The following BCL7C variants were observed in gnomAD, a reference collection of about 807,000 sequenced individuals.
BCL7C encodes the protein B-cell CLL/lymphoma 7 protein family member C.
Under a neutral mutation model 26.2 loss-of-function variants are expected in BCL7C, and 8 were observed. The observed-to-expected ratio is 0.30, with a 90% CI of 0.18 to 0.55. The LOEUF is 0.55. BCL7C is among the 20% of genes least tolerant of loss of function. The pLI, the probability that BCL7C is intolerant of heterozygous loss-of-function variation, is 0.93. For synonymous variants in BCL7C, 90 were observed against 116.5 expected (o/e 0.77, Z 1.47); for missense variants, 262 against 298.5 (o/e 0.88, Z 0.90).
rs2054559278 is a variant in BCL7C at position 30,834,784 on chromosome 16, G to A, written c.*164C>T. On this transcript the variant is annotated 3_prime_UTR_variant, in exon 6 of 6. Coordinates refer to the BCL7C transcript ENST00000380317. The surrounding 1 kb of genome is among the most constrained non-coding windows in gnomAD (Gnocchi z 4.3). ...CGGGCGCCAGTGGCGAGCCAGATGGGTGCTGTGGCCTTAGGTTCGGGCAGG... is the reference window on the plus strand; with the variant it reads ...CGGGCGCCAGTGGCGAGCCAGATGGATGCTGTGGCCTTAGGTTCGGGCAGG... 1.5e-6 allele frequency: 1 copy of A among 650,160 alleles called. No homozygotes were observed. The highest frequency in any genetic ancestry group is 2.2e-5 in the South Asian group (1 of 45,800). The allele number at this position is 650,160 out of a possible 1,614,324, so 40.3% of individuals were successfully genotyped here. A position where few individuals can be genotyped will look rare whatever the true frequency, so the allele number is the denominator to read the frequency against.
At chr16:30,851,988 T>C (rs1328071292) in intron 5 of BCL7C, 1 of 161,304 alleles carries the variant, frequency 6.2e-6, no homozygotes, top group Non-Finnish European at 1.4e-5. Flanking sequence ...TTTTTCACCT[T>C]TCCAATTTGC....
intron 5 of BCL7C, among the ~76,000 whole-genome samples, chr16:30,855,209 C>T (rs1014523916): frequency 1.3e-5 from 2 of 152,026 alleles, no homozygotes; most frequent in African/African-American, 4.8e-5. Context: ...TTCTCCACAT[C>T]TGATATAGGC....
intron 5 of BCL7C, among the ~76,000 whole-genome samples, chr16:30,872,627 T>C (rs188129678): frequency 6.6e-6 from 1 of 152,254 alleles, no homozygotes; most frequent in African/African-American, 2.4e-5. Context: ...TTAGAAGAGG[T>C]ACCCAAAACA....
chr16:30,851,098 G>A (rs1047828767), intron 5 of BCL7C: 1 of 242,180 alleles, frequency 4.1e-6, no homozygotes, highest in South Asian at 5.2e-5. Flanking sequence ...TCGGGATTCA[G>A]CGAACTCTTG....
chr16:30,859,535 A>G (rs915064025), intron 5 of BCL7C, among the ~76,000 whole-genome samples: 2 of 152,212 alleles, frequency 1.3e-5, no homozygotes, highest in African/African-American at 4.8e-5. Context: ...GCAACTGAAG[A>G]TCCACAAAAG....
chr16:30,856,577 C>G (rs1401881107), intron 5 of BCL7C, among the ~76,000 whole-genome samples: 1 of 151,924 alleles, frequency 6.6e-6, no homozygotes, highest in Non-Finnish European at 1.5e-5. Context: ...CATCTGTATT[C>G]TACGTTGTGC....
intron 5 of BCL7C, among the ~76,000 whole-genome samples, chr16:30,864,014 C>T (rs56142883): frequency 0.019 from 2,955 of 152,242 alleles, 30 homozygotes; most frequent in Non-Finnish European, 0.031. Flanking sequence ...CTACCTCTCC[C>T]CAGCTATCTC....
intron 5 of BCL7C, among the ~76,000 whole-genome samples, chr16:30,854,707 CTTT>C (rs71149058): frequency 1.2e-3 from 175 of 145,260 alleles, no homozygotes; most frequent in Admixed American, 3.7e-3. Flanking sequence ...CACTCACTTT[CTTT>C]TTTTTTTTTT....
chr16:30,872,401 G>A (rs1247906318), intron 5 of BCL7C, among the ~76,000 whole-genome samples: 1 of 152,112 alleles, frequency 6.6e-6, no homozygotes, highest in Non-Finnish European at 1.5e-5. Flanking sequence ...GACCCCTGTG[G>A]GCTTGGAAAG....
intron 5 of BCL7C, among the ~76,000 whole-genome samples, chr16:30,859,253 A>G (rs1327840292): frequency 1.3e-5 from 2 of 152,200 alleles, no homozygotes; most frequent in Non-Finnish European, 2.9e-5. Context: ...TTCAGCTTAG[A>G]CGGTGGAGGA....
intron 5 of BCL7C, among the ~76,000 whole-genome samples, chr16:30,835,375 C>T (rs1406085098): frequency 6.6e-6 from 1 of 152,152 alleles, no homozygotes; most frequent in East Asian, 1.9e-4. Flanking sequence ...GGGTTTGAAT[C>T]CCAATTCCAG....
chr16:30,838,279 G>A (rs182812772), intron 5 of BCL7C, among the ~76,000 whole-genome samples: 5 of 152,316 alleles, frequency 3.3e-5, no homozygotes, highest in Non-Finnish European at 7.3e-5. Flanking sequence ...CTACCCAAAA[G>A]GAATGTGATG....
At chr16:30,870,580 CAGG>C (rs1451201724) in intron 5 of BCL7C, among the ~76,000 whole-genome samples, 2 of 151,928 alleles carry the variant, frequency 1.3e-5, no homozygotes, top group Non-Finnish European at 2.9e-5. Context: ...GAAGATCAAG[CAGG>C]AGGATCGCTT....
intron 5 of BCL7C, among the ~76,000 whole-genome samples, chr16:30,850,877 A>G (rs1411489863): frequency 6.6e-6 from 1 of 152,204 alleles, no homozygotes; most frequent in Non-Finnish European, 1.5e-5. Flanking sequence ...CACTAAATTT[A>G]CAAAAAAGAT....
In BCL7C at chr16:30,851,619, AC is replaced by A. The variant is rs1042127056; in HGVS notation, c.529-16472del. On this transcript the variant is annotated intron_variant, in intron 5 of 5. Transcript: ENST00000380317. ...TGGGCCCTTTCTGTTGAGCAGTGCC[AC>A]AGCAGGCCTTGCAGTTTTTGGTGCA... 23 of 517,926 alleles carry A rather than the reference AC, an allele frequency of 4.4e-5. No individual in the cohort carries two copies. The Admixed American group carries it at 5.8e-4, about 13-fold the overall frequency. 32.1% of individuals were successfully genotyped at this position (517,926 alleles called of 1,614,324 possible).
intron 5 of BCL7C, among the ~76,000 whole-genome samples, chr16:30,849,135 C>T (rs527967601): frequency 4.7e-5 from 7 of 150,302 alleles, no homozygotes; most frequent in African/African-American, 1.7e-4. Context: ...TTCAGTGAGC[C>T]GAGATTGAGC....
chr16:30,856,075 A>AAG (rs1025809054), intron 5 of BCL7C, among the ~76,000 whole-genome samples: 24 of 151,568 alleles, frequency 1.6e-4, no homozygotes, highest in African/African-American at 5.6e-4. Context: ...AAAAAAAAAA[A>AAG]AAAAAGAAGA....
At chr16:30,851,449 A>T (rs1295160425) in intron 5 of BCL7C, 1 of 202,080 alleles carries the variant, frequency 4.9e-6, no homozygotes, top group African/African-American at 2.3e-5. Context: ...CATGTTGGCC[A>T]GGCTGTTCTC....
In BCL7C at chr16:30,892,834, A is replaced by G. The variant is rs1390701446; in HGVS notation, c.280+6T>C. On this transcript the variant is annotated splice_donor_region_variant and intron_variant, in intron 3 of 5. Transcript: ENST00000215115. ...CAGCCCCCCGCGTTTCAGGATCCCT[A>G]CCTACCATTAAGATCCAGCAGGATG... The G allele has an allele frequency of 1.9e-6, 3 of 1,613,460 alleles. No individual in the cohort carries two copies. The highest frequency in any genetic ancestry group is 1.7e-5 in the Admixed American group (1 of 60,020).
Sources: gnomAD v4.1 joint callset for allele counts (sites outside exome capture counted in the v4.1 genomes callset) on GRCh38, gnomAD v4.1.1 for gene constraint, Gnocchi (gnomAD v3.1) non-coding constraint, MANE v1.5 for transcripts, NCBI Gene and HGNC (gene_info 2026-07-23, HGNC 2026-07-21) for gene names.